PLCG2: variants seen among roughly 807,000 people sequenced by gnomAD.
PLCG2 encodes 1-phosphatidylinositol 4,5-bisphosphate phosphodiesterase gamma-2.
Under a neutral mutation model 175.6 loss-of-function variants are expected in PLCG2, and 69 were observed. That is an observed-to-expected ratio of 0.39 (90% CI 0.32 to 0.48). The LOEUF (loss-of-function observed/expected upper bound fraction) is 0.48, where lower values mean the gene tolerates loss of function less well. Among genes scored for constraint, PLCG2 ranks in the 20% least tolerant of loss-of-function variants. The probability of loss-of-function intolerance (pLI) is 0.91; values close to 1 mark genes in which losing one functional copy is unlikely to be tolerated. For synonymous variants in PLCG2, 827 were observed against 624.0 expected, an observed-to-expected ratio of 1.33 and a Z score of -4.85; for missense variants, 1,798 against 1,650.9, an observed-to-expected ratio of 1.09 and a Z score of -1.54.
At chr16:81,882,783 C>A (rs140222726) in intron 8 of PLCG2, among the ~76,000 whole-genome samples, 2 of 152,196 alleles carry the variant, frequency 1.3e-5, no homozygotes, top group East Asian at 1.9e-4. Flanking sequence ...CACCCCACCT[C>A]GTTCTGGCTC....
At chr16:81,831,727 A>C (rs1031546340) in intron 2 of PLCG2, among the ~76,000 whole-genome samples, 2 of 152,112 alleles carry the variant, frequency 1.3e-5, no homozygotes, top group Non-Finnish European at 2.9e-5. Flanking sequence ...CTAGAGGGTA[A>C]TGGGGACCCC....
intron 5 of PLCG2, among the ~76,000 whole-genome samples, chr16:81,867,738 C>T (rs11150419): frequency 0.21 from 32,114 of 151,576 alleles, 4,039 homozygotes; most frequent in Non-Finnish European, 0.28. Context: ...TGCTCTGTCA[C>T]CCAGGCTGGA....
intron 2 of PLCG2, among the ~76,000 whole-genome samples, chr16:81,765,563 A>G (rs1910130909): frequency 6.6e-6 from 1 of 152,238 alleles, no homozygotes; most frequent in Non-Finnish European, 1.5e-5. Flanking sequence ...CCCGAGAAGC[A>G]GAGGTTGCTG....
chr16:81,915,936 G>C (rs1195603179), intron 19 of PLCG2, among the ~76,000 whole-genome samples: 6 of 152,234 alleles, frequency 3.9e-5, no homozygotes, highest in Non-Finnish European at 7.3e-5. Flanking sequence ...TCTCAGTAGA[G>C]AGGTCCTGGT....
chr16:81,786,062 G>A lies in PLCG2; in HGVS notation c.73G>A (p.Gly25Arg). 1 of 1,614,192 alleles carries A rather than the reference G, an allele frequency of 6.2e-7. No homozygotes were observed. The highest frequency in any genetic ancestry group is 8.5e-7 in the Non-Finnish European group (1 of 1,180,004). ...CCAGATCAAGAGAGCCCTGGAGCTG[G>A]GGACGGTGATGACTGTGTTCAGCTT... ...KSQIKRALEL[G>R]TVMTVFSFRK... The change falls in exon 2 of 33, where the codon GGG becomes AGG. Residue 25 changes from glycine to arginine, a missense_variant. Physicochemically the swap from Gly to Arg is moderately radical, Grantham distance 125. Coordinates refer to ENST00000564138, the MANE Select transcript of PLCG2 (RefSeq NM_002661.5).
At chr16:81,804,849 G>A (rs1301829306) in intron 2 of PLCG2, among the ~76,000 whole-genome samples, 2 of 152,216 alleles carry the variant, frequency 1.3e-5, no homozygotes. Flanking sequence ...ATGAGAGAGT[G>A]TTCTTGAAAG....
At position 81,864,955 on chromosome 16, in the gene PLCG2, C is replaced by A. The variant is rs1193707685; in HGVS notation, c.480-4259C>A. 2.0e-5 allele frequency among the ~76,000 whole-genome samples: 3 copies of A among 152,192 alleles called. No homozygotes were observed. The East Asian group carries it at 5.8e-4, about 29-fold the overall frequency. On this transcript the variant is annotated intron_variant, in intron 5 of 32. Transcript: ENST00000564138. ...CAAAGGGATTCCCTTGTTTCCTAACCCACAGCCCTAGGTTGAGCTCCCAGG... is the reference window on the plus strand; with the variant it reads ...CAAAGGGATTCCCTTGTTTCCTAACACACAGCCCTAGGTTGAGCTCCCAGG...
intron 2 of PLCG2, among the ~76,000 whole-genome samples, chr16:81,850,931 G>A (rs184289274): frequency 5.3e-5 from 8 of 152,256 alleles, no homozygotes. Flanking sequence ...GTTTCCTCGA[G>A]GTCTGCAATC....
upstream of PLCG2, among the ~76,000 whole-genome samples, chr16:81,776,083 C>CTTTCTTTCTTGCTTGCTTTCTTTCTT: frequency 1.2e-5 from 1 of 81,848 alleles, no homozygotes; most frequent in Admixed American, 1.2e-4. Context: ...TTCTCTCTCT[C>CTTTCTTTCTTGCTTGCTTTCTTTCTT]TCTCTCTTTC....
At chr16:81,898,159 A>T in intron 13 of PLCG2, 1 of 213,636 alleles carries the variant, frequency 4.7e-6, no homozygotes, top group East Asian at 1.6e-4. Flanking sequence ...TTCATCGAAC[A>T]TTATCTCATT....
intron 2 of PLCG2, among the ~76,000 whole-genome samples, chr16:81,834,259 G>C (rs987864282): frequency 1.3e-5 from 2 of 152,172 alleles, no homozygotes; most frequent in African/African-American, 4.8e-5. Context: ...TCAGTAAGGG[G>C]GACCTGGTTT....
At position 81,942,979 on chromosome 16, in the gene PLCG2, A is replaced by G. The variant is rs7184713; in HGVS notation, c.3481+2920A>G. On this transcript the variant is annotated intron_variant, in intron 30 of 32. Transcript: ENST00000564138. Reference sequence around the variant, plus strand: ...GCATAAAAATGGGACTTGGGCAGCGAGAGAAGGTACATAGAGCTGGAGACA... The same window carrying G: ...GCATAAAAATGGGACTTGGGCAGCGGGAGAAGGTACATAGAGCTGGAGACA... Among the ~76,000 whole-genome samples, 384 of 152,200 alleles carry G rather than the reference A, an allele frequency of 2.5e-3. 1 individual carries two copies. Among genetic ancestry groups the G allele is most frequent in the African/African-American group, 8.7e-3 (361 of 41,528 alleles).
chr16:81,861,157 G>A (rs1175547706), intron 5 of PLCG2, among the ~76,000 whole-genome samples: 1 of 152,130 alleles, frequency 6.6e-6, no homozygotes, highest in Non-Finnish European at 1.5e-5. Flanking sequence ...TTAGCCTCAC[G>A]TGAGGCACCT....
chr16:81,924,254 A>G lies in PLCG2; in HGVS notation c.2417+660A>G, dbSNP rs117490803. ...GTGGGGTGACTTCTGTCTGAGAGCA[A>G]TAAGAACTTGCTCATAATAGTGAGC... On this transcript the variant is annotated intron_variant, in intron 22 of 32. Coordinates refer to ENST00000564138, the MANE Select transcript of PLCG2 (RefSeq NM_002661.5). Among the ~76,000 whole-genome samples, 224 of 152,370 alleles carry G rather than the reference A, an allele frequency of 1.5e-3. 7 individuals are homozygous for G. In the East Asian group the frequency reaches 0.038, roughly 26 times the overall value.
intron 31 of PLCG2, among the ~76,000 whole-genome samples, chr16:81,951,194 T>C (rs1354511629): frequency 2.0e-5 from 3 of 152,136 alleles, no homozygotes; most frequent in Non-Finnish European, 4.4e-5. Context: ...CTGCCTAGGC[T>C]GCTCTCAGAT....
intron 2 of PLCG2, 97 bp from the exon 3 acceptor site, chr16:81,854,347 G>A: frequency 9.1e-7 from 1 of 1,096,558 alleles, no homozygotes; most frequent in Non-Finnish European, 1.4e-6. Flanking sequence ...GTTGGGGAAG[G>A]AAGGAGCCAG....
At chr16:81,821,980 C>T (rs183221860) in intron 2 of PLCG2, among the ~76,000 whole-genome samples, 2 of 152,164 alleles carry the variant, frequency 1.3e-5, no homozygotes, top group African/African-American at 4.8e-5. Context: ...TCCTTAACTT[C>T]GCTGAGCCTT....
intron 1 of PLCG2, among the ~76,000 whole-genome samples, chr16:81,782,243 A>T (rs1286235490): frequency 1.0e-4 from 4 of 38,374 alleles, no homozygotes; most frequent in Admixed American, 3.2e-4. Flanking sequence ...GATACAAGAA[A>T]AACCTTTAGA....
At chr16:81,750,587 A>T (rs1279219192) in intron 1 of PLCG2, among the ~76,000 whole-genome samples, 1 of 151,938 alleles carries the variant, frequency 6.6e-6, no homozygotes, top group Non-Finnish European at 1.5e-5. Context: ...TCAACAGATT[A>T]ATGCATAAAG....
Sources: allele counts gnomAD v4.1 joint callset (sites outside exome capture counted in the v4.1 genomes callset), GRCh38; gene constraint gnomAD v4.1.1; transcripts MANE v1.5; gene names NCBI Gene and HGNC (gene_info 2026-07-23, HGNC 2026-07-21).